Variants in TNRC6A observed in about 807,000 individuals in gnomAD.
The protein encoded by TNRC6A is trinucleotide repeat containing adaptor 6A, also known as trinucleotide repeat-containing gene 6A protein.
TNRC6A carries 44 observed loss-of-function variants against 221.2 expected under a neutral mutation model. That is an observed-to-expected ratio of 0.20 (90% confidence interval 0.16 to 0.26). TNRC6A has a LOEUF of 0.26. Among genes scored for constraint, TNRC6A ranks in the 10% least tolerant of loss-of-function variants. The probability of loss-of-function intolerance (pLI) is 1.00; values close to 1 mark genes in which losing one functional copy is unlikely to be tolerated. For missense variants in TNRC6A, 2,199 were observed against 2,404.4 expected (o/e 0.91, Z 1.79); for synonymous variants, 847 against 838.5 (o/e 1.01, Z -0.18).
chr16:24,659,702 C>T (rs1207578199), intron 2 of TNRC6A, among the ~76,000 whole-genome samples: 2 of 152,166 alleles, frequency 1.3e-5, no homozygotes, highest in African/African-American at 4.8e-5. Context: ...CTTGGCCTCC[C>T]AAAATGCTGG....
At position 24,810,958 on chromosome 16, in the gene TNRC6A, G is replaced by A. The variant is rs1225117262; in HGVS notation, c.4672+1477G>A. On this transcript the variant is annotated intron_variant, in intron 18 of 24. Coordinates refer to ENST00000395799, the MANE Select transcript of TNRC6A (RefSeq NM_014494.4). ...GTAAGCCTGAAACACTTGCATAACT[G>A]ATCAGCTAGTCAGTCTCCAGCCCTC... Among the ~76,000 whole-genome samples the A allele has an allele frequency of 2.0e-5, 3 of 152,138 alleles. No individual in the cohort carries two copies. The East Asian group carries it at 5.8e-4, about 29-fold the overall frequency.
intron 2 of TNRC6A, among the ~76,000 whole-genome samples, chr16:24,740,710 C>T (rs2056872530): frequency 6.6e-6 from 1 of 152,030 alleles, no homozygotes; most frequent in South Asian, 2.1e-4. Flanking sequence ...TGGCATTGTC[C>T]ATTCACATTG....
At chr16:24,674,732 AC>A (rs2055373940) in intron 2 of TNRC6A, among the ~76,000 whole-genome samples, 1 of 145,386 alleles carries the variant, frequency 6.9e-6, no homozygotes, top group East Asian at 2.1e-4. Flanking sequence ...ACACACACAC[AC>A]ACACATCTTT....
At chr16:24,703,809 C>T (rs1393025423) in intron 2 of TNRC6A, among the ~76,000 whole-genome samples, 2 of 151,552 alleles carry the variant, frequency 1.3e-5, no homozygotes, top group African/African-American at 2.4e-5. Context: ...TTTGGCCGGG[C>T]GTGGTGGCTC....
At chr16:24,765,752 A>G (rs1340834066) in intron 4 of TNRC6A, among the ~76,000 whole-genome samples, 1 of 152,170 alleles carries the variant, frequency 6.6e-6, no homozygotes, top group African/African-American at 2.4e-5. Context: ...TTCCACTTTC[A>G]TGGGAAATAG....
intron 2 of TNRC6A, among the ~76,000 whole-genome samples, chr16:24,642,054 G>A (rs1596577671): frequency 6.6e-6 from 1 of 152,194 alleles, no homozygotes; most frequent in African/African-American, 2.4e-5. Context: ...CAGGCAGGGA[G>A]AGCTGAGATA....
At chr16:24,710,763 C>T (rs1416748415) in intron 2 of TNRC6A, among the ~76,000 whole-genome samples, 4 of 151,832 alleles carry the variant, frequency 2.6e-5, no homozygotes, top group Non-Finnish European at 5.9e-5. Flanking sequence ...ACTCTGTCGC[C>T]CAGGCTGGTG....
intron 2 of TNRC6A, among the ~76,000 whole-genome samples, chr16:24,693,502 C>T (rs1403401346): frequency 1.3e-5 from 2 of 152,036 alleles, no homozygotes; most frequent in Non-Finnish European, 2.9e-5. Flanking sequence ...GCAGGAGAAT[C>T]GCTTGAATCC....
At chr16:24,788,014 C>T (rs2058011750) in intron 5 of TNRC6A, among the ~76,000 whole-genome samples, 1 of 152,170 alleles carries the variant, frequency 6.6e-6, no homozygotes, top group Admixed American at 6.5e-5. Context: ...TCAGAATGCA[C>T]GTGACTTATG....
intron 2 of TNRC6A, among the ~76,000 whole-genome samples, chr16:24,642,156 A>T (rs759656731): frequency 1.8e-4 from 28 of 152,342 alleles, no homozygotes; most frequent in Admixed American, 9.8e-4. Flanking sequence ...AAACGGCAAC[A>T]AAAGAGGCTC....
chr16:24,650,641 G>A (rs559114519), intron 2 of TNRC6A, among the ~76,000 whole-genome samples: 25 of 151,630 alleles, frequency 1.6e-4, no homozygotes, highest in Admixed American at 7.2e-4. Flanking sequence ...CTTGAGCCTG[G>A]GCGATAGAGT....
chr16:24,730,661 T>C (rs1246542326), intron 2 of TNRC6A, among the ~76,000 whole-genome samples: 3 of 151,168 alleles, frequency 2.0e-5, no homozygotes, highest in African/African-American at 7.3e-5. Context: ...GCTGTCAAAC[T>C]GTTTTGGCTT....
intron 7 of TNRC6A, 32 bp from the exon 8 acceptor site, chr16:24,794,512 T>A: frequency 6.3e-7 from 1 of 1,588,278 alleles, no homozygotes; most frequent in Middle Eastern, 1.7e-4. Context: ...TATTAAAGTA[T>A]GTTTCTCTTT....
intron 6 of TNRC6A, 97 bp from the exon 7 acceptor site, chr16:24,793,376 C>A (rs1313991353): frequency 1.1e-6 from 1 of 869,748 alleles, no homozygotes; most frequent in Non-Finnish European, 1.6e-6. Flanking sequence ...ACATGAAGTT[C>A]TTCATCCTTG....
At chr16:24,636,687 A>G (rs1475874996) in intron 1 of TNRC6A, among the ~76,000 whole-genome samples, 1 of 152,186 alleles carries the variant, frequency 6.6e-6, no homozygotes, top group African/African-American at 2.4e-5. Context: ...ATTCATAAAT[A>G]TTGAACTGTT....
At position 24,789,364 on chromosome 16, in the gene TNRC6A, C is replaced by G. The variant is rs2058044885; in HGVS notation, c.722C>G (p.Ser241Ter). Residue 241 changes from serine to a stop codon, truncating the protein, a stop_gained, in exon 6 of 25, where the codon TCA becomes TGA. Coordinates refer to ENST00000395799, the MANE Select transcript of TNRC6A (RefSeq NM_014494.4). LOFTEE classifies it high-confidence loss of function. Reference protein sequence around the residue: ...SDLSEKEAWPSAPGSDPELAS... With the variant: ...SDLSEKEAWP Reference sequence around the variant, plus strand: ...TTGTCGGAAAAAGAAGCATGGCCCTCAGCCCCTGGCAGTGATCCGGAGTTG... The same window carrying G: ...TTGTCGGAAAAAGAAGCATGGCCCTGAGCCCCTGGCAGTGATCCGGAGTTG... The G allele has an allele frequency of 6.2e-7, 1 of 1,614,102 alleles. No homozygotes were observed. The highest frequency in any genetic ancestry group is 8.5e-7 in the Non-Finnish European group (1 of 1,180,046).
In TNRC6A at chr16:24,658,970, G is replaced by A. The variant is rs536123322; in HGVS notation, n.402+17961G>A. Among the ~76,000 whole-genome samples the A allele has an allele frequency of 4.6e-5, 7 of 151,216 alleles. No homozygotes were observed. The East Asian group carries it at 5.9e-4, about 13-fold the overall frequency. ...ACTATAGGCGTGCGCTACCACACCC[G>A]GCTAATTTTTGTATTTTTTGTAGAG... is the stretch of plus-strand genomic sequence containing the variant. On this transcript the variant is annotated intron_variant and non_coding_transcript_variant, in intron 2 of 2. Coordinates refer to the TNRC6A transcript ENST00000566108.
chr16:24,627,658 T>A (rs2141651737), intron 1 of TNRC6A, among the ~76,000 whole-genome samples: 1 of 151,892 alleles, frequency 6.6e-6, no homozygotes, highest in Non-Finnish European at 1.5e-5. Flanking sequence ...TCACAACTTC[T>A]GATCTGCTAA....
intron 2 of TNRC6A, among the ~76,000 whole-genome samples, chr16:24,738,680 G>A (rs74402744): frequency 3.9e-5 from 6 of 152,062 alleles, no homozygotes; most frequent in Admixed American, 1.3e-4. Flanking sequence ...TTGTTTGTCC[G>A]TTCATCAGTT....
Sources: allele counts gnomAD v4.1 joint callset (sites outside exome capture counted in the v4.1 genomes callset), GRCh38; gene constraint gnomAD v4.1.1; transcripts MANE v1.5; gene names NCBI Gene and HGNC (gene_info 2026-07-23, HGNC 2026-07-21).